Variants in RARB observed in about 807,000 individuals in gnomAD.
RARB encodes the protein HBV-activated protein.
Under a neutral mutation model 51.9 loss-of-function variants are expected in RARB, and 17 were observed. The ratio of observed to expected loss-of-function variants is 0.33; its 90% CI spans 0.22 to 0.49. The LOEUF (loss-of-function observed/expected upper bound fraction) is 0.49. Ranked by LOEUF, RARB falls within the 20% of genes least tolerant of loss-of-function variation. RARB has a pLI of 0.99. For missense variants in RARB, 369 were observed against 550.8 expected (o/e 0.67, Z 3.30); for synonymous variants, 215 against 195.4 (o/e 1.10, Z -0.84).
chr3:25,151,097 A>G (rs903250780), intron 4 of RARB, among the ~76,000 whole-genome samples: 1 of 152,074 alleles, frequency 6.6e-6, no homozygotes, highest in Non-Finnish European at 1.5e-5. Context: ...TCTCTTTTTT[A>G]TGGAGATAAA....
At chr3:25,210,680 G>A (rs1478137359) in intron 5 of RARB, among the ~76,000 whole-genome samples, 3 of 151,356 alleles carry the variant, frequency 2.0e-5, no homozygotes, top group South Asian at 2.1e-4. Flanking sequence ...GGGTTGCAGG[G>A]CACACCACCA....
intron 3 of RARB, among the ~76,000 whole-genome samples, chr3:25,113,644 C>G (rs1699639736): frequency 6.6e-6 from 1 of 152,144 alleles, no homozygotes; most frequent in African/African-American, 2.4e-5. Context: ...CTTCAGGTCC[C>G]CAGAACCTTC....
intron 5 of RARB, among the ~76,000 whole-genome samples, chr3:25,233,413 T>G (rs1386273207): frequency 1.3e-5 from 2 of 152,210 alleles, no homozygotes; most frequent in African/African-American, 4.8e-5. Flanking sequence ...ACATCACTTA[T>G]TAGTTCTAGG....
chr3:25,225,528 T>G (rs1450955831), intron 5 of RARB, among the ~76,000 whole-genome samples: 1 of 152,176 alleles, frequency 6.6e-6, no homozygotes, highest in Admixed American at 6.5e-5. Flanking sequence ...GACCTTATGC[T>G]TTCTAGAATC....
chr3:25,265,724 C>A lies in RARB; in HGVS notation c.178+91149C>A, dbSNP rs1042508989. 3.9e-5 allele frequency among the ~76,000 whole-genome samples: 6 copies of A among 152,066 alleles called. No individual in the cohort carries two copies. The East Asian group carries it at 9.6e-4, about 24-fold the overall frequency. On this transcript the variant is annotated intron_variant, in intron 5 of 11. Transcript: ENST00000383772. ...TGGGCTCAAGTGATCCACACGCCTC[C>A]GCCTCCCAAAGTGCTAGGGTTACAG...
At chr3:25,594,763 G>T in intron 7 of RARB, 85 bp downstream of exon 7, 6 of 1,169,258 alleles carry the variant, frequency 5.1e-6, no homozygotes, top group Non-Finnish European at 6.6e-6. Context: ...AATTCAGGAT[G>T]TTTAATGGCT....
At chr3:24,874,390 T>C (rs1206366215) in intron 2 of RARB, among the ~76,000 whole-genome samples, 1 of 152,114 alleles carries the variant, frequency 6.6e-6, no homozygotes, top group Non-Finnish European at 1.5e-5. Flanking sequence ...ATTTATTGAT[T>C]ACTAAGATTT....
intron 5 of RARB, among the ~76,000 whole-genome samples, chr3:25,227,876 A>G (rs1702089951): frequency 6.6e-6 from 1 of 152,078 alleles, no homozygotes; most frequent in African/African-American, 2.4e-5. Flanking sequence ...CACTTGCTTT[A>G]GAATGACTTT....
chr3:24,890,327 GTTCT>G (rs1703353664), intron 2 of RARB, among the ~76,000 whole-genome samples: 1 of 152,190 alleles, frequency 6.6e-6, no homozygotes, highest in Non-Finnish European at 1.5e-5. Context: ...AGGTGTTGAA[GTTCT>G]TTAGACTTTT....
rs560322469 is a variant in RARB, at chr3:25,121,289, A to G, written c.-327-10872A>G. Among the ~76,000 whole-genome samples, 955 of 152,290 alleles carry G rather than the reference A, an allele frequency of 6.3e-3. 5 individuals are homozygous for G. Among genetic ancestry groups the G allele is most frequent in the Middle Eastern group, 0.017 (5 of 294 alleles). On this transcript the variant is annotated intron_variant, in intron 3 of 11. Transcript: ENST00000383772. ...GCTTATAGAAGACAGGAGATATAAG[A>G]GGGCTTAAAACTCCCAAGAATAAAC...
chr3:25,033,653 C>A (rs564460879), intron 2 of RARB, among the ~76,000 whole-genome samples: 2 of 152,222 alleles, frequency 1.3e-5, no homozygotes, highest in South Asian at 4.1e-4. Flanking sequence ...AGACCCACAT[C>A]CAAACATGAA....
intron 1 of RARB, among the ~76,000 whole-genome samples, chr3:25,430,977 TAAAA>T (rs1373263066): frequency 4.3e-5 from 6 of 138,724 alleles, no homozygotes; most frequent in Admixed American, 7.3e-5. Flanking sequence ...TTAGCATAAA[TAAAA>T]CTAAAACTTT....
chr3:25,442,865 C>A (rs1246528763), intron 1 of RARB, among the ~76,000 whole-genome samples: 4 of 152,160 alleles, frequency 2.6e-5, no homozygotes. Context: ...CATACGATGT[C>A]TATTCCCGTG....
At chr3:25,059,709 A>C (rs1698509764) in intron 2 of RARB, among the ~76,000 whole-genome samples, 1 of 151,760 alleles carries the variant, frequency 6.6e-6, no homozygotes, top group Non-Finnish European at 1.5e-5. Context: ...AAATTACAAG[A>C]GAATACGAGT....
At chr3:25,003,140 T>G (rs1697201847) in intron 2 of RARB, among the ~76,000 whole-genome samples, 1 of 151,742 alleles carries the variant, frequency 6.6e-6, no homozygotes, top group African/African-American at 2.4e-5. Flanking sequence ...GCTTTGCCCC[T>G]CTTTGTTTTA....
At chr3:25,445,024 A>T (rs1708867529) in intron 1 of RARB, among the ~76,000 whole-genome samples, 1 of 151,980 alleles carries the variant, frequency 6.6e-6, no homozygotes, top group Non-Finnish European at 1.5e-5. Flanking sequence ...ATCTCAGGTC[A>T]GTGCAACCTC....
At chr3:25,529,760 G>A (rs1202198889) in intron 3 of RARB, among the ~76,000 whole-genome samples, 2 of 152,170 alleles carry the variant, frequency 1.3e-5, no homozygotes, top group Non-Finnish European at 2.9e-5. Context: ...AATTTTGTAG[G>A]AGGTAAAGTA....
chr3:25,510,910 C>A (rs531110016), intron 3 of RARB, among the ~76,000 whole-genome samples: 2 of 152,308 alleles, frequency 1.3e-5, no homozygotes, highest in African/African-American at 4.8e-5. Flanking sequence ...GCAACAATCC[C>A]TAGGTAGGAC....
intron 3 of RARB, among the ~76,000 whole-genome samples, chr3:25,097,683 A>G (rs909406887): frequency 1.3e-5 from 2 of 152,188 alleles, no homozygotes; most frequent in African/African-American, 4.8e-5. Flanking sequence ...AATGGAGAGC[A>G]GTGCCACCAA....
Sources: gnomAD v4.1 joint callset for allele counts (sites outside exome capture counted in the v4.1 genomes callset) on GRCh38, gnomAD v4.1.1 for gene constraint, MANE v1.5 for transcripts, NCBI Gene and HGNC (gene_info 2026-07-23, HGNC 2026-07-21) for gene names.